The following RUNDC3B variants were observed in gnomAD, a reference collection of about 807,000 sequenced individuals.
RUNDC3B encodes the protein RUN domain-containing protein 3B.
In RUNDC3B, 33 loss-of-function variants were observed where a neutral mutation model predicts 58.4. The observed-to-expected ratio is 0.56, with a 90% CI of 0.43 to 0.75. The LOEUF (loss-of-function observed/expected upper bound fraction) is 0.75. Ranked by LOEUF, RUNDC3B falls within the 30% of genes least tolerant of loss-of-function variation. The pLI, the probability that RUNDC3B is intolerant of heterozygous loss-of-function variation, is 0.00. For synonymous variants in RUNDC3B, 193 were observed against 195.2 expected (o/e 0.99, Z 0.10); for missense variants, 501 against 535.7 (o/e 0.94, Z 0.64).
chr7:87,813,349 T>A (rs1367961536), intron 9 of RUNDC3B, among the ~76,000 whole-genome samples: 1 of 152,176 alleles, frequency 6.6e-6, no homozygotes, highest in Non-Finnish European at 1.5e-5. Context: ...TTACAGAGTT[T>A]TTTCCCTGCA....
chr7:87,699,760 C>T (rs368846159), intron 2 of RUNDC3B, among the ~76,000 whole-genome samples: 19 of 152,162 alleles, frequency 1.2e-4, no homozygotes, highest in Non-Finnish European at 1.9e-4. Context: ...TGGTCATGAA[C>T]GGATACATAG....
intron 8 of RUNDC3B, among the ~76,000 whole-genome samples, chr7:87,793,198 A>C (rs977967119): frequency 6.6e-6 from 1 of 152,112 alleles, no homozygotes. Context: ...GATTTAAACC[A>C]TAATAAAAAG....
chr7:87,709,414 C>G lies in RUNDC3B; in HGVS notation c.373-1156C>G. 4 of 985,296 alleles carry G rather than the reference C, an allele frequency of 4.1e-6. No homozygotes were observed. In the South Asian group the frequency reaches 1.9e-4, roughly 46 times the overall value. The allele number at this position is 985,296 out of a possible 1,614,324, so 61.0% of individuals were successfully genotyped here. ...TAGCTTGCCTCTTCCTTCCTCTGTT[C>G]CAATCAGCTACAGCTAACTGCAGGT... On this transcript the variant is annotated intron_variant, in intron 3 of 10. Coordinates refer to ENST00000394654, the MANE Select transcript of RUNDC3B (RefSeq NM_001134405.2).
At chr7:87,755,319 C>T (rs1205969073) in intron 6 of RUNDC3B, among the ~76,000 whole-genome samples, 1 of 151,936 alleles carries the variant, frequency 6.6e-6, no homozygotes, top group Admixed American at 6.6e-5. Flanking sequence ...CCATGCCTGG[C>T]CAGCTGATAC....
chr7:87,635,262 C>T (rs1418542928), intron 1 of RUNDC3B, among the ~76,000 whole-genome samples: 1 of 152,144 alleles, frequency 6.6e-6, no homozygotes, highest in Non-Finnish European at 1.5e-5. Context: ...TGCTTTTACC[C>T]AGTTGTATAT....
At chr7:87,701,987 T>C (rs1034612196) in intron 3 of RUNDC3B, among the ~76,000 whole-genome samples, 4 of 151,178 alleles carry the variant, frequency 2.6e-5, no homozygotes, top group Non-Finnish European at 4.4e-5. Flanking sequence ...ACTGAAAATA[T>C]AAAAAATTAG....
chr7:87,717,898 A>G (rs1830656784), intron 4 of RUNDC3B, among the ~76,000 whole-genome samples: 2 of 152,170 alleles, frequency 1.3e-5, no homozygotes, highest in Non-Finnish European at 2.9e-5. Context: ...AAAGAAAATT[A>G]TAGACAAATA....
intron 2 of RUNDC3B, among the ~76,000 whole-genome samples, chr7:87,691,978 G>A (rs192816444): frequency 6.6e-6 from 1 of 152,164 alleles, no homozygotes; most frequent in Non-Finnish European, 1.5e-5. Flanking sequence ...GTTTGGTCCA[G>A]ATATTTCTGG....
At chr7:87,656,085 T>C (rs897709086) in intron 2 of RUNDC3B, among the ~76,000 whole-genome samples, 4 of 152,110 alleles carry the variant, frequency 2.6e-5, no homozygotes, top group African/African-American at 9.7e-5. Context: ...TAAATTTCAG[T>C]TATCTATAAA....
At chr7:87,700,107 G>A (rs1272050723) in intron 2 of RUNDC3B, among the ~76,000 whole-genome samples, 2 of 152,088 alleles carry the variant, frequency 1.3e-5, no homozygotes, top group East Asian at 3.9e-4. Flanking sequence ...CTATTTAAGC[G>A]ACTGTATTAG....
At chr7:87,643,307 T>A (rs1237078728) in intron 1 of RUNDC3B, among the ~76,000 whole-genome samples, 1 of 152,136 alleles carries the variant, frequency 6.6e-6, no homozygotes, top group Non-Finnish European at 1.5e-5. Flanking sequence ...GGGTACAAAT[T>A]TCAGGGAAGA....
chr7:87,803,158 G>A (rs1212902876), intron 8 of RUNDC3B, among the ~76,000 whole-genome samples: 1 of 152,098 alleles, frequency 6.6e-6, no homozygotes, highest in Admixed American at 6.5e-5. Flanking sequence ...AGAATAAATT[G>A]TATTTATTGA....
At chr7:87,736,872 TATATATATATATATA>T (rs1298678835) in intron 4 of RUNDC3B, among the ~76,000 whole-genome samples, 111 of 39,792 alleles carry the variant, frequency 2.8e-3, no homozygotes, top group East Asian at 0.011. Context: ...TATATATATA[TATATATATATATATA>T]TATTTTTTTT....
chr7:87,774,824 T>C (rs557519723), intron 7 of RUNDC3B, among the ~76,000 whole-genome samples: 6 of 152,298 alleles, frequency 3.9e-5, no homozygotes, highest in Middle Eastern at 3.4e-3. Flanking sequence ...ATAATGGAGA[T>C]GAAAAATTCC....
chr7:87,741,327 G>C (rs967655237), intron 5 of RUNDC3B, among the ~76,000 whole-genome samples, 172 bp from the exon 6 acceptor site: 3 of 152,018 alleles, frequency 2.0e-5, no homozygotes, highest in Admixed American at 6.6e-5. Flanking sequence ...ATTGAAGGTA[G>C]AATATTTTAT....
chr7:87,687,803 A>C (rs1827614813), intron 2 of RUNDC3B, among the ~76,000 whole-genome samples: 1 of 152,150 alleles, frequency 6.6e-6, no homozygotes, highest in African/African-American at 2.4e-5. Context: ...TTGAACCTCA[A>C]AGCTCTTCCT....
chr7:87,717,159 C>A (rs1190409307), intron 4 of RUNDC3B, among the ~76,000 whole-genome samples: 3 of 152,054 alleles, frequency 2.0e-5, no homozygotes, highest in Non-Finnish European at 4.4e-5. Context: ...AAAATACAAT[C>A]CAAAAGTGTT....
intron 9 of RUNDC3B, 42 bp from the exon 10 acceptor site, chr7:87,816,099 T>C (rs1341387444): frequency 1.4e-6 from 2 of 1,430,690 alleles, no homozygotes; most frequent in Non-Finnish European, 1.9e-6. Flanking sequence ...ATTATTTTTT[T>C]GTGAAAAGAA....
At chr7:87,737,542 ATAT>A (rs982077543) in intron 4 of RUNDC3B, among the ~76,000 whole-genome samples, 2 of 152,150 alleles carry the variant, frequency 1.3e-5, no homozygotes, top group Non-Finnish European at 2.9e-5. Context: ...AATGATAAAA[ATAT>A]TATCTTCTCA....
Sources: gnomAD v4.1 joint callset for allele counts (sites outside exome capture counted in the v4.1 genomes callset) on GRCh38, gnomAD v4.1.1 for gene constraint, MANE v1.5 for transcripts, NCBI Gene and HGNC (gene_info 2026-07-23, HGNC 2026-07-21) for gene names.